The following PGR variants were observed in gnomAD, a reference collection of about 807,000 sequenced individuals.
The protein encoded by PGR is nuclear receptor subfamily 3 group C member 3.
In PGR, 25 loss-of-function variants were observed where a neutral mutation model predicts 76.1. The ratio of observed to expected loss-of-function variants is 0.33; its 90% CI spans 0.24 to 0.46. The LOEUF is 0.46. Ranked by LOEUF, PGR falls within the 20% of genes least tolerant of loss-of-function variation. PGR has a pLI of 1.00. For missense variants in PGR, 1,172 were observed against 1,225.3 expected, an observed-to-expected ratio of 0.96 and a Z score of 0.65; for synonymous variants, 579 against 535.0, an observed-to-expected ratio of 1.08 and a Z score of -1.14.
chr11:101,097,778 CT>C (rs145454653), intron 2 of PGR, among the ~76,000 whole-genome samples: 51,403 of 129,304 alleles, frequency 0.4, 9,135 homozygotes, highest in East Asian at 0.89. Flanking sequence ...AAGTGTTACT[CT>C]TTTTTTTTTT....
At chr11:101,088,885 G>A (rs1373560189) in intron 3 of PGR, among the ~76,000 whole-genome samples, 1 of 152,182 alleles carries the variant, frequency 6.6e-6, no homozygotes, top group East Asian at 1.9e-4. Context: ...CTTTGCAGCA[G>A]CATGGATGTA....
At chr11:101,058,215 T>C (rs572861531) in intron 4 of PGR, among the ~76,000 whole-genome samples, 4 of 152,150 alleles carry the variant, frequency 2.6e-5, no homozygotes, top group Non-Finnish European at 5.9e-5. Flanking sequence ...ATTTGACAAG[T>C]AAAAATTTTT....
intron 6 of PGR, among the ~76,000 whole-genome samples, chr11:101,046,262 ACT>A (rs1179996105): frequency 1.5e-5 from 2 of 137,282 alleles, no homozygotes; most frequent in African/African-American, 2.8e-5. Context: ...GCTACCTGGG[ACT>A]ACAGGCACTT....
At position 101,074,505 on chromosome 11, in the gene PGR, C is replaced by T. The variant is rs149296588; in HGVS notation, c.1907-11753G>A. ...AATCAGGCAAGAGAAAGAAATAAAGCGTATTCAAATAGGAAGAGAGGAAGT... is the reference window on the plus strand; with the variant it reads ...AATCAGGCAAGAGAAAGAAATAAAGTGTATTCAAATAGGAAGAGAGGAAGT... On this transcript the variant is annotated intron_variant, in intron 3 of 7. Transcript: ENST00000325455. 7.3e-3 allele frequency among the ~76,000 whole-genome samples: 1,102 copies of T among 151,982 alleles called. 4 individuals are homozygous for T. Among genetic ancestry groups the T allele is most frequent in the Non-Finnish European group, 0.011 (738 of 67,894 alleles).
intron 3 of PGR, among the ~76,000 whole-genome samples, chr11:101,068,981 C>G (rs897651620): frequency 4.6e-5 from 7 of 152,114 alleles, no homozygotes; most frequent in Non-Finnish European, 1.0e-4. Flanking sequence ...GACTAAAACA[C>G]CAAAAGCAAT....
intron 4 of PGR, among the ~76,000 whole-genome samples, chr11:101,057,557 C>T (rs1410506464): frequency 1.3e-5 from 2 of 151,954 alleles, no homozygotes; most frequent in Admixed American, 6.6e-5. Context: ...ATCATTTGGG[C>T]ACCACGTGAA....
chr11:101,033,691 G>T lies in PGR; in HGVS notation c.*5425C>A. 1 of 202,690 alleles carries T rather than the reference G, an allele frequency of 4.9e-6. No homozygotes were observed. The highest frequency in any genetic ancestry group is 1.0e-5 in the Non-Finnish European group (1 of 98,628). 12.6% of individuals were successfully genotyped at this position (202,690 alleles called of 1,614,324 possible). A position where few individuals can be genotyped will look rare whatever the true frequency, so the allele number is the denominator to read the frequency against. The stretch of plus-strand genomic sequence containing the variant: ...GATACTTCAAGGTATAGACTTTTCT[G>T]GGGGAGGAGAAAATAAAAGGTATTT... On this transcript the variant is annotated 3_prime_UTR_variant, in exon 8 of 8. Transcript: ENST00000325455.
chr11:101,105,255 G>A (rs1264866464), intron 2 of PGR, among the ~76,000 whole-genome samples: 1 of 152,146 alleles, frequency 6.6e-6, no homozygotes, highest in Admixed American at 6.6e-5. Context: ...AACATGATCT[G>A]ACTTATATTT....
At chr11:101,092,027 C>T in intron 2 of PGR, 151 bp from the exon 3 acceptor site, 2 of 668,572 alleles carry the variant, frequency 3.0e-6, no homozygotes, top group Non-Finnish European at 5.4e-6. Context: ...GTTGGTGAAG[C>T]TATAAAACTG....
chr11:101,055,576 A>G (rs949270675), intron 4 of PGR, among the ~76,000 whole-genome samples: 51 of 152,240 alleles, frequency 3.3e-4, no homozygotes, highest in African/African-American at 1.2e-3. Context: ...TAAAAAAAGT[A>G]TTTTATAATA....
chr11:101,081,894 A>C (rs1484907194), intron 3 of PGR, among the ~76,000 whole-genome samples: 1 of 152,204 alleles, frequency 6.6e-6, no homozygotes, highest in Non-Finnish European at 1.5e-5. Context: ...AAGGGATCAA[A>C]ACCTCACATA....
chr11:101,063,460 G>A (rs1242145589), intron 3 of PGR: 2 of 152,316 alleles, frequency 1.3e-5, no homozygotes, highest in East Asian at 3.9e-4. Flanking sequence ...TGATATGTTA[G>A]GGGAAAAAGA....
chr11:101,090,412 T>C (rs961232368), intron 3 of PGR, among the ~76,000 whole-genome samples: 6 of 152,246 alleles, frequency 3.9e-5, no homozygotes, highest in African/African-American at 1.4e-4. Flanking sequence ...GCTCTGCTAC[T>C]TTCTAAGGCA....
chr11:101,076,919 A>ATTTTTTTTTTTTTTTTT (rs59106149), intron 3 of PGR, among the ~76,000 whole-genome samples: 1 of 65,130 alleles, frequency 1.5e-5, no homozygotes, highest in African/African-American at 5.8e-5. Flanking sequence ...TACAAATGGA[A>ATTTTTTTTTTTTTTTTT]TTTTTTTTTT....
intron 6 of PGR, among the ~76,000 whole-genome samples, chr11:101,045,425 A>C (rs1021475688): frequency 6.6e-6 from 1 of 152,152 alleles, no homozygotes; most frequent in Non-Finnish European, 1.5e-5. Context: ...TGCACATTGT[A>C]TCCATTAGGT....
intron 2 of PGR, among the ~76,000 whole-genome samples, chr11:101,113,176 T>C (rs1477208072): frequency 1.3e-5 from 2 of 152,170 alleles, no homozygotes; most frequent in Non-Finnish European, 2.9e-5. Context: ...AAAACAACAG[T>C]GTCTTTCAAA....
At chr11:101,105,957 A>G (rs1470663347) in intron 2 of PGR, among the ~76,000 whole-genome samples, 1 of 152,188 alleles carries the variant, frequency 6.6e-6, no homozygotes, top group Non-Finnish European at 1.5e-5. Flanking sequence ...GACAAACTTG[A>G]CTCAAACAAG....
chr11:101,091,235 T>C (rs1452604274), intron 3 of PGR, among the ~76,000 whole-genome samples: 2 of 152,208 alleles, frequency 1.3e-5, no homozygotes, highest in African/African-American at 2.4e-5. Context: ...AATAAAAATA[T>C]GGGAAAAGGG....
At chr11:101,060,972 G>A (rs1860472376) in intron 4 of PGR, among the ~76,000 whole-genome samples, 5 of 152,082 alleles carry the variant, frequency 3.3e-5, no homozygotes, top group African/African-American at 9.7e-5. Flanking sequence ...AGTATAACTG[G>A]TTATTTTCTA....
Sources: gnomAD v4.1 joint callset for allele counts (sites outside exome capture counted in the v4.1 genomes callset) on GRCh38, gnomAD v4.1.1 for gene constraint, MANE v1.5 for transcripts, NCBI Gene and HGNC (gene_info 2026-07-23, HGNC 2026-07-21) for gene names.